HEATR5B: variants seen among roughly 807,000 people sequenced by gnomAD.
HEATR5B encodes the protein HEAT repeat containing 5B, also known as HEAT repeat-containing protein 5B.
Under a neutral mutation model 224.1 loss-of-function variants are expected in HEATR5B, and 156 were observed. The ratio of observed to expected loss-of-function variants is 0.70; its 90% CI spans 0.61 to 0.80. The LOEUF is 0.80. HEATR5B is among the 30% of genes least tolerant of loss of function. The probability of loss-of-function intolerance (pLI) is 0.00; values close to 1 mark genes in which losing one functional copy is unlikely to be tolerated. For missense variants in HEATR5B, 2,323 were observed against 2,535.5 expected (o/e 0.92, Z 1.80); for synonymous variants, 1,027 against 893.0 (o/e 1.15, Z -2.68).
chr2:37,004,741 T>C (rs1667303694), intron 30 of HEATR5B, among the ~76,000 whole-genome samples: 1 of 152,226 alleles, frequency 6.6e-6, no homozygotes, highest in African/African-American at 2.4e-5. Context: ...TTGGTTCTCC[T>C]GAAACTTCTC....
Position 37,008,750 on chromosome 2 carries a change from G to A in HEATR5B, c.4383C>T (p.Ile1461=), listed in dbSNP as rs183673204. Residue 1461 remains isoleucine (I), a synonymous_variant, in exon 28 of 36, where the codon ATC becomes ATT. Transcript: ENST00000233099. ...TDDDDDDCGT[I]DELPPDSLIT... Reference sequence around the variant, plus strand: ...TTAAACTATCTGGTGGCAGTTCATCGATGGTACCACAGTCGTCATCATCAT... The same window carrying A: ...TTAAACTATCTGGTGGCAGTTCATCAATGGTACCACAGTCGTCATCATCAT... 2.1e-4 allele frequency: 344 copies of A among 1,613,828 alleles called. No individual in the cohort carries two copies. The highest frequency in any genetic ancestry group is 1.3e-3 in the Admixed American group (76 of 60,010).
chr2:36,984,060 C>T (rs573634994), intron 35 of HEATR5B, among the ~76,000 whole-genome samples: 61 of 146,484 alleles, frequency 4.2e-4, no homozygotes, highest in Non-Finnish European at 7.2e-4. Context: ...ATTAGCTGGA[C>T]GTGGTGGCAG....
At position 37,060,614 on chromosome 2, in the gene HEATR5B, C is replaced by A; in HGVS notation, c.1816G>T (p.Val606Leu). ...GCTCCAGCACGACCTTCCAAAGTTA[C>A]CTGCCAGGTAAAAGAATCGCCTCGG... ...KARGDSFTWQ[V>L]TLEGRAGALC... The change falls in exon 12 of 36, where the codon GTA becomes TTA. Residue 606 changes from valine to leucine, a missense_variant. By Grantham distance (32) the Val-to-Leu change is conservative (BLOSUM62 1). This residue lies in a region of HEATR5B where 502 missense variants were observed against 517.8 expected (regional missense o/e 0.97). Transcript: ENST00000233099. The A allele has an allele frequency of 1.2e-6, 2 of 1,613,842 alleles. No individual in the cohort carries two copies. Among genetic ancestry groups the A allele is most frequent in the Non-Finnish European group, 1.7e-6 (2 of 1,179,824 alleles).
intron 35 of HEATR5B, among the ~76,000 whole-genome samples, chr2:36,986,688 G>C (rs2148322364): frequency 6.6e-6 from 1 of 152,280 alleles, no homozygotes; most frequent in South Asian, 2.1e-4. Flanking sequence ...GGTGATCTCA[G>C]CTCACTGCAA....
At chr2:37,028,950 T>G in intron 22 of HEATR5B, 30 bp from the exon 23 acceptor site, 1 of 1,610,652 alleles carries the variant, frequency 6.2e-7, no homozygotes, top group Non-Finnish European at 8.5e-7. Context: ...AATGAATTTG[T>G]ATGGTATTTT....
chr2:36,987,370 G>C (rs546048723), intron 35 of HEATR5B, among the ~76,000 whole-genome samples: 134 of 151,348 alleles, frequency 8.9e-4, no homozygotes, highest in African/African-American at 3.1e-3. Flanking sequence ...CGGAGGTTGC[G>C]GTGAGCCAAG....
At chr2:37,049,888 CATTATT>C in intron 17 of HEATR5B, 45 bp from the exon 18 acceptor site, 1 of 1,424,560 alleles carries the variant, frequency 7.0e-7, no homozygotes, top group East Asian at 2.8e-5. Flanking sequence ...ATTCATAATT[CATTATT>C]ATTATTTTTT....
intron 5 of HEATR5B, 91 bp downstream of exon 5, chr2:37,075,394 A>G: frequency 1.1e-6 from 1 of 916,106 alleles, no homozygotes; most frequent in Non-Finnish European, 1.5e-6. Flanking sequence ...AACACAAAAC[A>G]TAATTTAAAA....
chr2:37,059,406 ATGTGTG>A (rs529487124), intron 12 of HEATR5B, among the ~76,000 whole-genome samples: 15,396 of 100,242 alleles, frequency 0.15, 1,460 homozygotes, highest in East Asian at 0.24. Context: ...ATATATGTAT[ATGTGTG>A]TGTGTGTGTG....
chr2:37,006,789 AC>A (rs1572784540), intron 29 of HEATR5B, among the ~76,000 whole-genome samples: 2 of 152,230 alleles, frequency 1.3e-5, no homozygotes, highest in African/African-American at 2.4e-5. Context: ...TGAATAAAAA[AC>A]ATATTACGTT....
At chr2:37,038,266 A>T (rs927118620) in intron 20 of HEATR5B, among the ~76,000 whole-genome samples, 5 of 151,866 alleles carry the variant, frequency 3.3e-5, no homozygotes, top group African/African-American at 1.2e-4. Context: ...CAGCCTCTGG[A>T]GTAGCTGGGA....
intron 33 of HEATR5B, among the ~76,000 whole-genome samples, chr2:36,998,487 G>A (rs576979811): frequency 6.6e-6 from 1 of 152,288 alleles, no homozygotes; most frequent in East Asian, 1.9e-4. Context: ...GGTCAATCTG[G>A]CAATGTCTGA....
chr2:37,025,145 A>C (rs1240096973), intron 24 of HEATR5B, among the ~76,000 whole-genome samples: 1 of 152,166 alleles, frequency 6.6e-6, no homozygotes, highest in Non-Finnish European at 1.5e-5. Context: ...GTTCAGAATC[A>C]GAATGGCAGG....
Position 37,008,766 on chromosome 2 carries a change from T to A in HEATR5B, c.4367A>T (p.Asp1456Val). The A allele has an allele frequency of 1.2e-6, 2 of 1,613,996 alleles. No homozygotes were observed. The highest frequency in any genetic ancestry group is 1.7e-6 in the Non-Finnish European group (2 of 1,179,840). Residue 1456 changes from aspartate to valine, a missense_variant, in exon 28 of 36, where the codon GAC becomes GTC. By Grantham distance (152) the Asp-to-Val change is radical. This residue lies in a region of HEATR5B where 844 missense variants were observed against 812.9 expected (regional missense o/e 1.04). Coordinates refer to ENST00000233099, the MANE Select transcript of HEATR5B (RefSeq NM_019024.3). ...CAGTTCATCGATGGTACCACAGTCG[T>A]CATCATCATCGTCAGTATTTTTAAT... ...RAIKNTDDDD[D>V]DCGTIDELPP...
At chr2:37,041,086 A>T (rs1207824669) in intron 19 of HEATR5B, 47 bp downstream of exon 19, 3 of 1,523,622 alleles carry the variant, frequency 2.0e-6, no homozygotes, top group Non-Finnish European at 2.7e-6. Flanking sequence ...ATAATTTTCC[A>T]AAAAATTTTC....
intron 7 of HEATR5B, among the ~76,000 whole-genome samples, chr2:37,069,609 G>C (rs905729303): frequency 2.0e-5 from 3 of 152,080 alleles, no homozygotes; most frequent in Admixed American, 2.0e-4. Context: ...CAAGCTACCT[G>C]AATACAGTTT....
intron 26 of HEATR5B, among the ~76,000 whole-genome samples, chr2:37,017,830 T>C (rs1668219527): frequency 6.6e-6 from 1 of 152,136 alleles, no homozygotes; most frequent in Non-Finnish European, 1.5e-5. Flanking sequence ...ATCAAAAGAT[T>C]GGTGAATGAA....
At chr2:37,075,698 C>G in intron 4 of HEATR5B, 64 bp from the exon 5 acceptor site, 2 of 1,357,270 alleles carry the variant, frequency 1.5e-6, no homozygotes, top group Non-Finnish European at 2.0e-6. Context: ...CAAGAACACA[C>G]CAAGACAAAA....
At chr2:37,060,944 T>A (rs1269364200) in intron 11 of HEATR5B, among the ~76,000 whole-genome samples, 1 of 152,126 alleles carries the variant, frequency 6.6e-6, no homozygotes, top group Non-Finnish European at 1.5e-5. Context: ...AAAATATAGA[T>A]CAAAGCATAA....
Sources: gnomAD v4.1 joint callset for allele counts (sites outside exome capture counted in the v4.1 genomes callset) on GRCh38, gnomAD v4.1.1 for gene constraint, gnomAD v4.1.1 regional missense constraint, MANE v1.5 for transcripts, NCBI Gene and HGNC (gene_info 2026-07-23, HGNC 2026-07-21) for gene names.